Variants in SLC25A12 observed in about 807,000 individuals in gnomAD.
SLC25A12 encodes solute carrier family 25 member 12, also known as electrogenic aspartate/glutamate antiporter SLC25A12, mitochondrial.
Under a neutral mutation model 83.3 loss-of-function variants are expected in SLC25A12, and 32 were observed. The observed-to-expected ratio is 0.38, with a 90% CI of 0.29 to 0.52. SLC25A12 has a LOEUF of 0.52. Among genes scored for constraint, SLC25A12 ranks in the 20% least tolerant of loss-of-function variants. The probability of loss-of-function intolerance (pLI) is 0.84; values close to 1 mark genes in which losing one functional copy is unlikely to be tolerated. For synonymous variants in SLC25A12, 267 were observed against 291.1 expected (o/e 0.92, Z 0.84); for missense variants, 611 against 835.6 (o/e 0.73, Z 3.31).
chr2:171,807,588 A>T (rs1683860702), intron 13 of SLC25A12, among the ~76,000 whole-genome samples: 1 of 152,254 alleles, frequency 6.6e-6, no homozygotes, highest in East Asian at 1.9e-4. Context: ...TGCTGTGATA[A>T]AAATGAGTTA....
chr2:171,785,416 T>A lies in SLC25A12; in HGVS notation c.1895A>T (p.Asn632Ile). ...KSRIADLPPA[N>I]PDHIGGYRLA... ...TCTGTATCCACCGATGTGATCAGGG[T>A]TGGCAGGAGGAAGGTCTGCAATGCG... Residue 632 changes from asparagine (N) to isoleucine (I), a missense_variant, in exon 18 of 18, where the codon AAC (asparagine) becomes ATC (isoleucine). Around this residue, in one of 3 missense-constraint regions of SLC25A12, gnomAD observed 540 missense variants for 777.5 expected, o/e 0.69. Transcript: ENST00000422440. 6.2e-7 allele frequency: 1 copy of A among 1,614,180 alleles called. No homozygotes were observed.
chr2:171,848,517 A>G (rs562717420), intron 4 of SLC25A12, among the ~76,000 whole-genome samples: 3 of 152,218 alleles, frequency 2.0e-5, no homozygotes, highest in Non-Finnish European at 4.4e-5. Context: ...ATATCCTTGT[A>G]CATAGCTGAA....
intron 12 of SLC25A12, among the ~76,000 whole-genome samples, 173 bp from the exon 13 acceptor site, chr2:171,809,859 C>A (rs542985307): frequency 2.6e-5 from 4 of 152,272 alleles, no homozygotes; most frequent in African/African-American, 9.6e-5. Flanking sequence ...CCAGTGTCAG[C>A]AGCATCAATT....
chr2:171,892,982 T>TA (rs149404006), intron 2 of SLC25A12, among the ~76,000 whole-genome samples: 20,353 of 148,394 alleles, frequency 0.14, 1,717 homozygotes, highest in South Asian at 0.2. Context: ...TTAAGTCATG[T>TA]AAAAAAAAAA....
At chr2:171,869,965 C>T (rs1229089929) in intron 2 of SLC25A12, among the ~76,000 whole-genome samples, 2 of 152,168 alleles carry the variant, frequency 1.3e-5, no homozygotes, top group Admixed American at 6.5e-5. Context: ...CTCAACAGTC[C>T]TGCTTTTTTT....
chr2:171,827,604 G>A (rs3821094), intron 8 of SLC25A12, among the ~76,000 whole-genome samples: 124,013 of 152,182 alleles, frequency 0.81, 51,696 homozygotes, highest in Middle Eastern at 0.91. Flanking sequence ...CTTAAACCCC[G>A]GAAGATTTGC....
In SLC25A12 at chr2:171,817,929, T is replaced by C. The variant is rs565413577; in HGVS notation, c.931-2727A>G. ...CTATGAAAACTGAAGGATTATACTG[T>C]GCTTTAATTCTTTGCTAAAAACATT... On this transcript the variant is annotated intron_variant, in intron 9 of 17. Transcript: ENST00000422440. Among the ~76,000 whole-genome samples, 3 of 152,356 alleles carry C rather than the reference T, an allele frequency of 2.0e-5. No individual in the cohort carries two copies. In the South Asian group the frequency reaches 6.2e-4, roughly 32 times the overall value.
chr2:171,836,362 G>A (rs1234728083), intron 6 of SLC25A12, among the ~76,000 whole-genome samples: 2 of 152,140 alleles, frequency 1.3e-5, no homozygotes, highest in Admixed American at 6.6e-5. Flanking sequence ...TAAGTACAAC[G>A]CATAGACAAG....
intron 11 of SLC25A12, among the ~76,000 whole-genome samples, chr2:171,811,699 T>A (rs1186219111): frequency 2.0e-5 from 3 of 152,162 alleles, no homozygotes; most frequent in Non-Finnish European, 4.4e-5. Context: ...TGAGCTTACA[T>A]CCTGAATAAA....
Position 171,794,742 on chromosome 2 carries a change from A to G in SLC25A12, c.1306-975T>C, listed in dbSNP as rs568187996. On this transcript the variant is annotated intron_variant, in intron 13 of 17. Coordinates refer to ENST00000422440, the MANE Select transcript of SLC25A12 (RefSeq NM_003705.5). ...GAAAAATCCCATTTGTACATCTTCA[A>G]CTGTAGCTGTTTATATTATGTAATC... Among the ~76,000 whole-genome samples, 77 of 152,350 alleles carry G rather than the reference A, an allele frequency of 5.1e-4. 1 individual carries two copies. In the South Asian group the frequency reaches 0.015, roughly 30 times the overall value.
chr2:171,833,769 C>G (rs1296744950), intron 8 of SLC25A12, among the ~76,000 whole-genome samples, 194 bp downstream of exon 8: 2 of 151,784 alleles, frequency 1.3e-5, no homozygotes, highest in Non-Finnish European at 2.9e-5. Flanking sequence ...CTTCTTCTCC[C>G]TCTGTCTGTC....
intron 14 of SLC25A12, among the ~76,000 whole-genome samples, chr2:171,792,617 G>C (rs1247003419): frequency 6.7e-6 from 1 of 149,274 alleles, no homozygotes. Flanking sequence ...TTTAAAAAAA[G>C]ACAAACTCAA....
chr2:171,872,469 G>A (rs1685475783), intron 2 of SLC25A12, among the ~76,000 whole-genome samples: 1 of 152,038 alleles, frequency 6.6e-6, no homozygotes, highest in Non-Finnish European at 1.5e-5. Flanking sequence ...CAGGAGTGAG[G>A]AAAGGCACAA....
intron 1 of SLC25A12, 111 bp from the exon 2 acceptor site, chr2:171,893,369 T>C (rs1685986368): frequency 1.0e-6 from 1 of 974,434 alleles, no homozygotes; most frequent in Non-Finnish European, 1.6e-6. Flanking sequence ...TTTTATCATT[T>C]AGTTTAAAAC....
At chr2:171,798,019 CAGACTT>C (rs1683633383) in intron 13 of SLC25A12, among the ~76,000 whole-genome samples, 1 of 152,134 alleles carries the variant, frequency 6.6e-6, no homozygotes, top group Admixed American at 6.5e-5. Context: ...AATACTAAAA[CAGACTT>C]AGATGCTTTC....
chr2:171,883,521 C>T (rs1352757991), intron 2 of SLC25A12, among the ~76,000 whole-genome samples: 2 of 152,276 alleles, frequency 1.3e-5, no homozygotes, highest in East Asian at 1.9e-4. Flanking sequence ...TTGAAAGAAT[C>T]GGCCAGGCGT....
chr2:171,859,214 C>T (rs1685101862), intron 3 of SLC25A12, among the ~76,000 whole-genome samples: 1 of 152,114 alleles, frequency 6.6e-6, no homozygotes, highest in Non-Finnish European at 1.5e-5. Flanking sequence ...CTCAGCCATC[C>T]CTCAATACTC....
intron 9 of SLC25A12, among the ~76,000 whole-genome samples, chr2:171,824,952 C>T (rs991198205): frequency 1.3e-5 from 2 of 151,852 alleles, no homozygotes; most frequent in Admixed American, 6.6e-5. Flanking sequence ...TACAGGCACA[C>T]GCCATCACGC....
At chr2:171,867,388 C>T (rs1231360062) in intron 3 of SLC25A12, among the ~76,000 whole-genome samples, 1 of 152,086 alleles carries the variant, frequency 6.6e-6, no homozygotes, top group African/African-American at 2.4e-5. Flanking sequence ...CCCAGCACCT[C>T]GGGAGGCCAA....
Sources: gnomAD v4.1 joint callset for allele counts (sites outside exome capture counted in the v4.1 genomes callset) on GRCh38, gnomAD v4.1.1 for gene constraint, gnomAD v4.1.1 regional missense constraint, MANE v1.5 for transcripts, NCBI Gene and HGNC (gene_info 2026-07-23, HGNC 2026-07-21) for gene names.